SOX6: variants seen among roughly 807,000 people sequenced by gnomAD.
SOX6 encodes transcription factor SOX-6.
Under a neutral mutation model 97.8 loss-of-function variants are expected in SOX6, and 11 were observed. The observed-to-expected ratio is 0.11, with a 90% CI of 0.07 to 0.19. SOX6 has a LOEUF of 0.19. Among genes scored for constraint, SOX6 ranks in the 10% least tolerant of loss-of-function variants. The probability of loss-of-function intolerance (pLI) is 1.00; values close to 1 mark genes in which losing one functional copy is unlikely to be tolerated. For synonymous variants in SOX6, 360 were observed against 371.4 expected (o/e 0.97, Z 0.35); for missense variants, 810 against 1,039.5 (o/e 0.78, Z 3.04).
In SOX6 at chr11:15,966,671, A is replaced by C. The variant is rs1288239402; in HGVS notation, c.*6138T>G. 1 of 152,156 alleles carries C rather than the reference A, an allele frequency of 6.6e-6. No individual in the cohort carries two copies. Among genetic ancestry groups the C allele is most frequent in the East Asian group, 1.9e-4 (1 of 5,196 alleles). The allele number at this position is 152,156 out of a possible 1,614,324, so 9.4% of individuals were successfully genotyped here. On this transcript the variant is annotated 3_prime_UTR_variant, in exon 16 of 16. Transcript: ENST00000683767. ...TATCAGGAAAGCACCTTGTGCAAAA[A>C]GGAAAAAAAAAAAGTAGCTAAGGTG...
At chr11:16,101,486 C>T (rs1461030489) in intron 7 of SOX6, among the ~76,000 whole-genome samples, 1 of 151,636 alleles carries the variant, frequency 6.6e-6, no homozygotes, top group Non-Finnish European at 1.5e-5. Flanking sequence ...CTTCTAAGAT[C>T]ATCTGCAGTG....
chr11:16,418,586 T>G (rs1311729404), intron 1 of SOX6, among the ~76,000 whole-genome samples: 1 of 152,008 alleles, frequency 6.6e-6, no homozygotes, highest in Non-Finnish European at 1.5e-5. Flanking sequence ...TCTGGCAGAG[T>G]TCCCCACATA....
intron 1 of SOX6, among the ~76,000 whole-genome samples, chr11:16,389,968 T>TCAAAAAAAAAAAA (rs1858116093): frequency 7.2e-5 from 2 of 27,666 alleles, no homozygotes; most frequent in Non-Finnish European, 1.2e-4. Flanking sequence ...AGACTCCGTC[T>TCAAAAAAAAAAAA]TAAAAAAAAA....
chr11:16,179,050 C>A (rs1009557022), intron 6 of SOX6, among the ~76,000 whole-genome samples: 4 of 151,804 alleles, frequency 2.6e-5, no homozygotes, highest in African/African-American at 9.7e-5. Flanking sequence ...GTCATGAAGG[C>A]TAATGTACAA....
intron 1 of SOX6, among the ~76,000 whole-genome samples, chr11:16,434,850 T>C (rs1033720195): frequency 6.6e-6 from 1 of 152,202 alleles, no homozygotes; most frequent in East Asian, 1.9e-4. Flanking sequence ...GTGGCAGTCA[T>C]AAATATTTAA....
chr11:16,338,229 C>T (rs1856525298), intron 2 of SOX6, among the ~76,000 whole-genome samples: 2 of 151,778 alleles, frequency 1.3e-5, no homozygotes, highest in South Asian at 4.1e-4. Flanking sequence ...GAATATGATC[C>T]ATTAAAAAAC....
At chr11:16,080,887 C>G (rs1190661714) in intron 9 of SOX6, among the ~76,000 whole-genome samples, 2 of 151,956 alleles carry the variant, frequency 1.3e-5, no homozygotes, top group Non-Finnish European at 2.9e-5. Context: ...TTAAAAATAG[C>G]CAGGCACAGT....
Position 16,049,735 on chromosome 11 carries a change from G to A in SOX6, c.1435+20C>T. On this transcript the variant is annotated intron_variant, in intron 11 of 15. Coordinates refer to ENST00000683767, the MANE Select transcript of SOX6 (RefSeq NM_001367873.1). ...TACCTAATTCGTAAGTCTCTTCCTG[G>A]TGTTGACTTTTCCATTTACCTAAAG... 6.2e-7 allele frequency: 1 copy of A among 1,612,832 alleles called. No homozygotes were observed. The highest frequency in any genetic ancestry group is 8.5e-7 in the Non-Finnish European group (1 of 1,179,668).
chr11:16,703,207 T>C (rs1848107677), intron 3 of SOX6, among the ~76,000 whole-genome samples: 1 of 152,032 alleles, frequency 6.6e-6, no homozygotes, highest in Non-Finnish European at 1.5e-5. Flanking sequence ...TTTATAAATA[T>C]GAACTAACGT....
intron 1 of SOX6, among the ~76,000 whole-genome samples, chr11:16,411,939 T>C (rs1858829127): frequency 6.6e-6 from 1 of 152,174 alleles, no homozygotes; most frequent in Admixed American, 6.5e-5. Context: ...CAGAGAATAT[T>C]TCTTCAGACA....
At chr11:16,453,236 G>A (rs1007694427) in intron 1 of SOX6, among the ~76,000 whole-genome samples, 2 of 152,134 alleles carry the variant, frequency 1.3e-5, no homozygotes, top group Middle Eastern at 3.4e-3. Context: ...ATACTGTTAA[G>A]AAACTAGGGG....
intron 9 of SOX6, among the ~76,000 whole-genome samples, chr11:16,056,372 C>G (rs766559825): frequency 1.3e-5 from 2 of 152,166 alleles, no homozygotes; most frequent in Non-Finnish European, 2.9e-5. Flanking sequence ...CTCTGCATCT[C>G]TGGGTATTCT....
intron 12 of SOX6, among the ~76,000 whole-genome samples, chr11:16,037,492 AG>A (rs1447210085): frequency 6.6e-6 from 1 of 152,250 alleles, no homozygotes; most frequent in African/African-American, 2.4e-5. Context: ...TTCCACCTAC[AG>A]AACTGGTCTT....
At chr11:16,029,224 A>C (rs1300252043) in intron 12 of SOX6, among the ~76,000 whole-genome samples, 4 of 152,206 alleles carry the variant, frequency 2.6e-5, no homozygotes, top group African/African-American at 9.6e-5. Context: ...GGCTCAATAA[A>C]CAAGCACATG....
At chr11:16,634,324 AG>A (rs1217819521) in intron 3 of SOX6, among the ~76,000 whole-genome samples, 1 of 151,882 alleles carries the variant, frequency 6.6e-6, no homozygotes, top group African/African-American at 2.4e-5. Flanking sequence ...AGAAAAGAGA[AG>A]AAAAAAATGG....
chr11:15,972,088 C>G lies in SOX6; in HGVS notation c.*721G>C, dbSNP rs922952404. 2 of 152,874 alleles carry G rather than the reference C, an allele frequency of 1.3e-5. No homozygotes were observed. Among genetic ancestry groups the G allele is most frequent in the African/African-American group, 2.4e-5 (1 of 41,524 alleles). 9.5% of individuals were successfully genotyped at this position (152,874 alleles called of 1,614,324 possible). A position where few individuals can be genotyped will look rare whatever the true frequency, so the allele number is the denominator to read the frequency against. On this transcript the variant is annotated 3_prime_UTR_variant, in exon 16 of 16. Transcript: ENST00000683767. ...CTGTGGCAACCTTGTTCATTCCTTA[C>G]AATATCTTGTCTCCAGATTCCTGAG...
chr11:16,530,790 T>C (rs550282630), intron 4 of SOX6, among the ~76,000 whole-genome samples: 7 of 151,720 alleles, frequency 4.6e-5, no homozygotes, highest in Non-Finnish European at 8.8e-5. Context: ...TAAGACACTG[T>C]CCGAGGTGAA....
chr11:16,728,497 T>C (rs1257237527), intron 2 of SOX6, among the ~76,000 whole-genome samples: 1 of 152,124 alleles, frequency 6.6e-6, no homozygotes, highest in Non-Finnish European at 1.5e-5. Context: ...GTCTGACTGT[T>C]AGAAGGAAAA....
At chr11:16,126,926 G>A (rs1849625354) in intron 6 of SOX6, among the ~76,000 whole-genome samples, 1 of 151,934 alleles carries the variant, frequency 6.6e-6, no homozygotes, top group African/African-American at 2.4e-5. Flanking sequence ...GCATAAACAG[G>A]CATAAAATCA....
Sources: allele counts gnomAD v4.1 joint callset (sites outside exome capture counted in the v4.1 genomes callset), GRCh38; gene constraint gnomAD v4.1.1; transcripts MANE v1.5; gene names NCBI Gene and HGNC (gene_info 2026-07-23, HGNC 2026-07-21).